Variants in BMPR1A observed in about 807,000 individuals in gnomAD.
The protein encoded by BMPR1A is bone morphogenetic protein receptor type-1A.
Under a neutral mutation model 66.0 loss-of-function variants are expected in BMPR1A, and 7 were observed. The observed-to-expected ratio is 0.11, with a 90% CI of 0.06 to 0.20. The LOEUF is 0.20. Ranked by LOEUF, BMPR1A falls within the 10% of genes least tolerant of loss-of-function variation. BMPR1A has a pLI of 1.00. For missense variants in BMPR1A, 408 were observed against 669.1 expected (o/e 0.61, Z 4.31); for synonymous variants, 200 against 229.7 (o/e 0.87, Z 1.17).
At chr10:86,780,980 G>C (rs2132708840) in intron 1 of BMPR1A, among the ~76,000 whole-genome samples, 1 of 152,228 alleles carries the variant, frequency 6.6e-6, no homozygotes, top group East Asian at 1.9e-4. Context: ...TGGGATTACA[G>C]GTGTGAGCCA....
chr10:86,800,374 C>T (rs900398168), intron 1 of BMPR1A, among the ~76,000 whole-genome samples: 1 of 152,068 alleles, frequency 6.6e-6, no homozygotes, highest in Non-Finnish European at 1.5e-5. Context: ...AGAGGGAAAC[C>T]TAAAATAAGG....
intron 2 of BMPR1A, among the ~76,000 whole-genome samples, chr10:86,854,523 C>A (rs980633913): frequency 2.0e-5 from 3 of 152,210 alleles, no homozygotes; most frequent in African/African-American, 7.2e-5. Context: ...ATTTGGGGAA[C>A]TAATAAATGT....
At chr10:86,867,204 G>A (rs1200825810) in intron 2 of BMPR1A, among the ~76,000 whole-genome samples, 1 of 152,228 alleles carries the variant, frequency 6.6e-6, no homozygotes, top group East Asian at 1.9e-4. Flanking sequence ...AAAACCTGAA[G>A]TTTTTGAGTG....
intron 2 of BMPR1A, among the ~76,000 whole-genome samples, chr10:86,862,308 C>T (rs904856387): frequency 4.6e-5 from 7 of 152,018 alleles, no homozygotes; most frequent in East Asian, 1.9e-4. Flanking sequence ...GCAGCAGTCC[C>T]GGGGAAGACC....
At chr10:86,776,027 C>A (rs1222454814) in intron 1 of BMPR1A, among the ~76,000 whole-genome samples, 4 of 152,170 alleles carry the variant, frequency 2.6e-5, no homozygotes, top group Non-Finnish European at 5.9e-5. Flanking sequence ...CATTGTCTCT[C>A]TTTTTCTATT....
chr10:86,787,768 G>C (rs1277129288), intron 1 of BMPR1A, among the ~76,000 whole-genome samples: 1 of 152,176 alleles, frequency 6.6e-6, no homozygotes, highest in Non-Finnish European at 1.5e-5. Flanking sequence ...AGAAGGGGAA[G>C]AGGAAGCAGG....
At chr10:86,764,155 A>G (rs1225222613) in intron 1 of BMPR1A, among the ~76,000 whole-genome samples, 6 of 152,312 alleles carry the variant, frequency 3.9e-5, no homozygotes, top group East Asian at 1.9e-4. Context: ...CTTACTAGTA[A>G]TTAAAATGCT....
intron 7 of BMPR1A, among the ~76,000 whole-genome samples, chr10:86,904,436 C>T (rs993394971): frequency 2.0e-5 from 3 of 152,128 alleles, no homozygotes; most frequent in East Asian, 1.9e-4. Context: ...AAGAAGATAG[C>T]GAACCAACAT....
chr10:86,782,682 TA>T (rs1841455644), intron 1 of BMPR1A, among the ~76,000 whole-genome samples: 1 of 152,138 alleles, frequency 6.6e-6, no homozygotes, highest in African/African-American at 2.4e-5. Context: ...TAGCTCATTT[TA>T]AAGTTGTGTT....
At chr10:86,892,060 C>T in intron 4 of BMPR1A, 67 bp from the exon 5 acceptor site, 2 of 1,304,498 alleles carry the variant, frequency 1.5e-6, no homozygotes, top group Non-Finnish European at 2.2e-6. Context: ...CACATTCAGA[C>T]TCAAATTTCG....
Position 86,913,946 on chromosome 10 carries a change from C to T in BMPR1A, c.675+1562C>T, listed in dbSNP as rs567412687. ...TGGAAATGCAAAGGACTAGAAGAGC[C>T]AAAACAATTTTGAAGTAGAAGAACA... On this transcript the variant is annotated intron_variant, in intron 8 of 12. Transcript: ENST00000372037. Among the ~76,000 whole-genome samples the T allele has an allele frequency of 2.0e-5, 3 of 151,890 alleles. No homozygotes were observed. In the East Asian group the frequency reaches 5.8e-4, roughly 29 times the overall value.
At chr10:86,929,483 T>C (rs913373097), downstream of BMPR1A, 2 of 152,234 alleles carry the variant, frequency 1.3e-5, no homozygotes, top group Non-Finnish European at 2.9e-5. Context: ...ATCCCAGCAG[T>C]GTGCCTTCTG....
chr10:86,768,258 A>G (rs955879511), intron 1 of BMPR1A, among the ~76,000 whole-genome samples: 1 of 152,218 alleles, frequency 6.6e-6, no homozygotes, highest in Non-Finnish European at 1.5e-5. Flanking sequence ...AAGAATAAAT[A>G]TAAATATCTT....
At chr10:86,845,913 C>T (rs1227114538) in intron 2 of BMPR1A, among the ~76,000 whole-genome samples, 3 of 151,764 alleles carry the variant, frequency 2.0e-5, no homozygotes, top group Non-Finnish European at 4.4e-5. Flanking sequence ...AGGAGAATGG[C>T]GTGGACTCGG....
chr10:86,802,648 C>T (rs1028012460), intron 1 of BMPR1A, among the ~76,000 whole-genome samples: 1 of 151,554 alleles, frequency 6.6e-6, no homozygotes, highest in Non-Finnish European at 1.5e-5. Context: ...AAAAAACCAT[C>T]CTTACAGATA....
At chr10:86,882,279 C>T (rs768086906) in intron 3 of BMPR1A, among the ~76,000 whole-genome samples, 15 of 151,608 alleles carry the variant, frequency 9.9e-5, no homozygotes, top group African/African-American at 2.7e-4. Context: ...GAAAATTAGC[C>T]GGGCATGGTG....
intron 2 of BMPR1A, among the ~76,000 whole-genome samples, chr10:86,841,738 G>A (rs1842426321): frequency 6.6e-6 from 1 of 152,172 alleles, no homozygotes; most frequent in African/African-American, 2.4e-5. Context: ...GAAAGACTAA[G>A]GCAGGATTAG....
At chr10:86,801,807 G>A (rs565783342) in intron 1 of BMPR1A, among the ~76,000 whole-genome samples, 4 of 152,072 alleles carry the variant, frequency 2.6e-5, no homozygotes, top group African/African-American at 9.6e-5. Context: ...CTGCCTCCCG[G>A]GTTCACGCCA....
At chr10:86,846,010 T>TTA (rs1425279891) in intron 2 of BMPR1A, among the ~76,000 whole-genome samples, 8 of 150,192 alleles carry the variant, frequency 5.3e-5, no homozygotes, top group South Asian at 2.1e-4. Context: ...AAAAAAAAAA[T>TTA]TATATATATA....
Sources: allele counts gnomAD v4.1 joint callset (sites outside exome capture counted in the v4.1 genomes callset), GRCh38; gene constraint gnomAD v4.1.1; transcripts MANE v1.5; gene names NCBI Gene and HGNC (gene_info 2026-07-23, HGNC 2026-07-21).